EPS15: variants seen among roughly 807,000 people sequenced by gnomAD.
EPS15 encodes epidermal growth factor receptor pathway substrate 15, also known as epidermal growth factor receptor substrate 15.
In EPS15, 72 loss-of-function variants were observed where a neutral mutation model predicts 113.8. The ratio of observed to expected loss-of-function variants is 0.63; its 90% CI spans 0.52 to 0.77. The LOEUF is 0.77. Among genes scored for constraint, EPS15 ranks in the 30% least tolerant of loss-of-function variants. The pLI is 0.00. For missense variants in EPS15, 1,048 were observed against 1,045.8 expected (o/e 1.00, Z -0.03); for synonymous variants, 344 against 363.4 (o/e 0.95, Z 0.61).
At chr1:51,506,978 T>C (rs17106625) in intron 1 of EPS15, among the ~76,000 whole-genome samples, 8,069 of 152,252 alleles carry the variant, frequency 0.053, 691 homozygotes, top group African/African-American at 0.18. Flanking sequence ...TCTGACAAAC[T>C]ATAAATGGCC....
intron 1 of EPS15, among the ~76,000 whole-genome samples, chr1:51,503,980 G>A (rs1406415336): frequency 6.6e-5 from 10 of 152,102 alleles, no homozygotes; most frequent in Non-Finnish European, 1.3e-4. Context: ...AGATATAATA[G>A]CTAAAACTAT....
intron 21 of EPS15, chr1:51,372,485 T>C (rs1400435595): frequency 3.7e-6 from 2 of 533,410 alleles, no homozygotes; most frequent in Non-Finnish European, 7.6e-6. Flanking sequence ...ACCATGATTA[T>C]TTGGAAAACA....
At chr1:51,497,707 C>T (rs745858980) in intron 1 of EPS15, among the ~76,000 whole-genome samples, 16 of 152,028 alleles carry the variant, frequency 1.1e-4, no homozygotes, top group Non-Finnish European at 1.2e-4. Flanking sequence ...TGTGAGGTAC[C>T]GTGGCTCATG....
At chr1:51,391,387 C>T (rs1647345236) in intron 21 of EPS15, among the ~76,000 whole-genome samples, 1 of 151,886 alleles carries the variant, frequency 6.6e-6, no homozygotes, top group South Asian at 2.1e-4. Context: ...ATGGGTGCAG[C>T]ACACCAGCAT....
At chr1:51,477,411 G>A (rs1038777407) in intron 2 of EPS15, among the ~76,000 whole-genome samples, 7 of 152,014 alleles carry the variant, frequency 4.6e-5, no homozygotes, top group African/African-American at 1.4e-4. Flanking sequence ...CCAGCTTCTG[G>A]ATTCCCTGAT....
intron 4 of EPS15, among the ~76,000 whole-genome samples, chr1:51,470,463 A>C (rs1443436012): frequency 6.6e-6 from 1 of 151,754 alleles, no homozygotes; most frequent in Non-Finnish European, 1.5e-5. Flanking sequence ...TGGCCAATAT[A>C]GTGAAACCCC....
chr1:51,412,108 C>A (rs1649776273), intron 13 of EPS15, among the ~76,000 whole-genome samples: 1 of 152,160 alleles, frequency 6.6e-6, no homozygotes, highest in South Asian at 2.1e-4. Context: ...ACCACAGGAA[C>A]AGAAAACCAA....
At chr1:51,512,135 T>C (rs1001174950) in intron 1 of EPS15, among the ~76,000 whole-genome samples, 5 of 152,312 alleles carry the variant, frequency 3.3e-5, no homozygotes, top group Non-Finnish European at 7.3e-5. Context: ...AAGCAGAGTA[T>C]ATGAGGCAGG....
intron 13 of EPS15, among the ~76,000 whole-genome samples, chr1:51,416,804 G>A (rs1269896837): frequency 6.6e-6 from 1 of 151,066 alleles, no homozygotes; most frequent in African/African-American, 2.4e-5. Context: ...AACATATCAT[G>A]TTAATAGTTC....
intron 12 of EPS15, chr1:51,422,186 T>C: frequency 2.3e-6 from 1 of 442,180 alleles, no homozygotes; most frequent in Non-Finnish European, 3.3e-6. Flanking sequence ...TGAAAATTGC[T>C]GGTAAAGAAA....
rs35470224 is a variant in EPS15, at chr1:51,410,531, AT to A, written c.1114-836del. Among the ~76,000 whole-genome samples, 886 of 152,310 alleles carry A rather than the reference AT, an allele frequency of 5.8e-3. 4 individuals carry two copies. Among genetic ancestry groups the A allele is most frequent in the African/African-American group, 0.02 (811 of 41,564 alleles). On this transcript the variant is annotated intron_variant, in intron 13 of 24. Transcript: ENST00000371733. ...AAACAAAAAAAGAACCATTTTGAAA[AT>A]GTTATTTATTCATCCATGTACATAC...
In EPS15 at chr1:51,354,860, T is replaced by C. The variant is rs1570048398; in HGVS notation, c.*1840A>G. ...TTTATAAGTTATAGATATTTAATAT[T>C]TGAGTTTAATTGAAAATTTTTTTGA... On this transcript the variant is annotated 3_prime_UTR_variant, in exon 25 of 25. Transcript: ENST00000371733. 1 of 202,286 alleles carries C rather than the reference T, an allele frequency of 4.9e-6. No individual in the cohort carries two copies. 12.5% of individuals were successfully genotyped at this position (202,286 alleles called of 1,614,324 possible).
chr1:51,409,734 C>G (rs184762950), intron 13 of EPS15, 38 bp from the exon 14 acceptor site: 3 of 1,437,746 alleles, frequency 2.1e-6, no homozygotes, highest in Non-Finnish European at 2.9e-6. Flanking sequence ...ATTTTCTTTG[C>G]GGGCAGGGGA....
rs1646217825 is a variant in EPS15 at position 51,356,343 on chromosome 1, G to C, written c.*357C>G. The C allele has an allele frequency of 8.0e-6, 2 of 248,522 alleles. No individual in the cohort carries two copies. Among genetic ancestry groups the C allele is most frequent in the Middle Eastern group, 1.2e-3 (1 of 818 alleles). 15.4% of individuals were successfully genotyped at this position (248,522 alleles called of 1,614,324 possible). A position where few individuals can be genotyped will look rare whatever the true frequency, so the allele number is the denominator to read the frequency against. On this transcript the variant is annotated 3_prime_UTR_variant, in exon 25 of 25. Transcript: ENST00000371733. ...ACTGGCTATCATCAGAATAACTACA[G>C]AACAGGGTAGTGCAGGGTGAAACTA...
intron 1 of EPS15, among the ~76,000 whole-genome samples, chr1:51,508,242 G>GAAAAGAAAAGAAAAGAAAAGAA (rs58012399): frequency 6.1e-5 from 2 of 32,896 alleles, no homozygotes; most frequent in Admixed American, 3.4e-4. Context: ...AGAAAAGAAA[G>GAAAAGAAAAGAAAAGAAAAGAA]AGAGAAAGAG....
intron 11 of EPS15, among the ~76,000 whole-genome samples, chr1:51,442,121 A>C (rs1222653673): frequency 6.6e-6 from 1 of 152,138 alleles, no homozygotes; most frequent in East Asian, 1.9e-4. Context: ...ACAAAAACTT[A>C]TCAGTGTTAA....
chr1:51,446,925 A>G lies in EPS15; in HGVS notation c.797+35T>C, dbSNP rs772009672. 30 of 1,534,178 alleles carry G rather than the reference A, an allele frequency of 2.0e-5. No individual in the cohort carries two copies. In the South Asian group the frequency reaches 3.0e-4, roughly 15 times the overall value. On this transcript the variant is annotated intron_variant, in intron 10 of 24. Coordinates refer to ENST00000371733, the MANE Select transcript of EPS15 (RefSeq NM_001981.3). ...CAGAAACTGGAATTGATACAAAACC[A>G]TATTTTTAAAAAATCAATTCAAATA...
intron 4 of EPS15, among the ~76,000 whole-genome samples, chr1:51,469,116 C>G (rs150090654): frequency 0.022 from 3,333 of 150,076 alleles, 32 homozygotes; most frequent in Middle Eastern, 0.034. Flanking sequence ...GGTGACAGAG[C>G]GAGACTGTCT....
chr1:51,453,246 G>T (rs1653719815), intron 8 of EPS15, among the ~76,000 whole-genome samples: 1 of 152,102 alleles, frequency 6.6e-6, no homozygotes, highest in African/African-American at 2.4e-5. Context: ...TGGAAAAGTG[G>T]ACACTAGAAG....
Sources: allele counts gnomAD v4.1 joint callset (sites outside exome capture counted in the v4.1 genomes callset), GRCh38; gene constraint gnomAD v4.1.1; transcripts MANE v1.5; gene names NCBI Gene and HGNC (gene_info 2026-07-23, HGNC 2026-07-21).